STXBP5L: variants seen among roughly 807,000 people sequenced by gnomAD.
The protein encoded by STXBP5L is syntaxin-binding protein 5-like.
A neutral mutation model predicts 144.5 loss-of-function variants in STXBP5L; 65 were observed. The observed-to-expected ratio is 0.45, with a 90% CI of 0.37 to 0.55. The LOEUF is 0.55. Ranked by LOEUF, STXBP5L falls within the 20% of genes least tolerant of loss-of-function variation. The pLI is 0.00. For missense variants in STXBP5L, 1,298 were observed against 1,405.5 expected, an observed-to-expected ratio of 0.92 and a Z score of 1.22; for synonymous variants, 505 against 469.6, an observed-to-expected ratio of 1.08 and a Z score of -0.97.
intron 3 of STXBP5L, among the ~76,000 whole-genome samples, chr3:121,006,414 C>T (rs567428476): frequency 1.3e-5 from 2 of 152,220 alleles, no homozygotes; most frequent in East Asian, 1.9e-4. Context: ...GGTAGATCTT[C>T]CTCCATCCCT....
chr3:121,058,673 T>G (rs1386437203), intron 5 of STXBP5L, among the ~76,000 whole-genome samples: 1 of 152,230 alleles, frequency 6.6e-6, no homozygotes, highest in East Asian at 1.9e-4. Flanking sequence ...CCATTCTAAC[T>G]GGCGTGAGAT....
At chr3:121,310,481 A>G (rs1297516947) in intron 19 of STXBP5L, among the ~76,000 whole-genome samples, 3 of 152,152 alleles carry the variant, frequency 2.0e-5, no homozygotes, top group Non-Finnish European at 4.4e-5. Context: ...ATGGTGGCGG[A>G]CACCTGTAGT....
rs150797963 is a variant in STXBP5L, at chr3:121,418,377, G to T, written c.3267G>T (p.Ala1089=). 1.2e-6 allele frequency: 2 copies of T among 1,613,858 alleles called. No individual in the cohort carries two copies. Among genetic ancestry groups the T allele is most frequent in the South Asian group, 1.1e-5 (1 of 91,090 alleles). ...ASAGKASRSL[A]QHIPGPGSIE... ...CAGGAAAAGCATCCCGCAGCCTTGC[G>T]CAACACATTCCTGGACCAGGTAGTA... is the stretch of plus-strand genomic sequence containing the variant. The change falls in exon 26 of 27, where the codon GCG becomes GCT. Residue 1089 remains alanine (A), a synonymous_variant. Transcript: ENST00000471454.
chr3:121,263,614 G>C (rs1412553540), intron 18 of STXBP5L, among the ~76,000 whole-genome samples: 1 of 152,078 alleles, frequency 6.6e-6, no homozygotes, highest in African/African-American at 2.4e-5. Flanking sequence ...AACCAGTTTA[G>C]AGAAGAAGAT....
At chr3:121,154,465 C>T (rs1182367266) in intron 8 of STXBP5L, among the ~76,000 whole-genome samples, 1 of 151,728 alleles carries the variant, frequency 6.6e-6, no homozygotes, top group Non-Finnish European at 1.5e-5. Context: ...GTTTCTCCTC[C>T]TTAAAATAAT....
At chr3:121,089,895 T>C (rs1310650500) in intron 5 of STXBP5L, among the ~76,000 whole-genome samples, 2 of 152,122 alleles carry the variant, frequency 1.3e-5, no homozygotes, top group Non-Finnish European at 2.9e-5. Context: ...TTCTTCATTA[T>C]ATTTTAAGTA....
chr3:120,992,253 T>C (rs1942970928), intron 3 of STXBP5L, among the ~76,000 whole-genome samples: 1 of 152,166 alleles, frequency 6.6e-6, no homozygotes, highest in African/African-American at 2.4e-5. Context: ...ACTCAGAATG[T>C]TTAGCATATC....
chr3:121,360,644 T>C (rs528000144), intron 20 of STXBP5L, among the ~76,000 whole-genome samples: 60 of 152,234 alleles, frequency 3.9e-4, no homozygotes, highest in African/African-American at 1.2e-3. Flanking sequence ...ACAACACTAT[T>C]TGCATAAACC....
intron 2 of STXBP5L, among the ~76,000 whole-genome samples, chr3:120,915,538 A>G (rs536556214): frequency 4.5e-4 from 69 of 152,272 alleles, no homozygotes; most frequent in Non-Finnish European, 9.4e-4. Flanking sequence ...TTAAGTATCA[A>G]AATGATGATC....
rs902550976 is a variant in STXBP5L, at chr3:121,420,883, A to G, written c.*1786A>G. ...AATGTTCTCAGTAATTTTGAGGAGA[A>G]CAAAGATGAGTGAAAGAGTTAGATA... On this transcript the variant is annotated 3_prime_UTR_variant, in exon 27 of 27. Coordinates refer to ENST00000471454, the MANE Select transcript of STXBP5L (RefSeq NM_001308330.2). 1 of 152,112 alleles carries G rather than the reference A, an allele frequency of 6.6e-6. No individual in the cohort carries two copies. 9.4% of individuals were successfully genotyped at this position (152,112 alleles called of 1,614,324 possible). A position where few individuals can be genotyped will look rare whatever the true frequency, so the allele number is the denominator to read the frequency against.
rs141635892 is a variant in STXBP5L, at chr3:120,982,870, G to A, written c.287+27833G>A. Among the ~76,000 whole-genome samples, 423 of 152,262 alleles carry A rather than the reference G, an allele frequency of 2.8e-3. 5 individuals are homozygous for A. Among genetic ancestry groups the A allele is most frequent in the African/African-American group, 9.8e-3 (406 of 41,550 alleles). On this transcript the variant is annotated intron_variant, in intron 3 of 26. Transcript: ENST00000471454. ...CCCTTGGATGGTATGCATGAGTCCT[G>A]GTTGGACTGGACTGCTGGATTTGTC...
At chr3:121,168,000 C>T (rs576117096) in intron 9 of STXBP5L, among the ~76,000 whole-genome samples, 3 of 152,242 alleles carry the variant, frequency 2.0e-5, no homozygotes, top group South Asian at 4.1e-4. Flanking sequence ...CAGCAATCTT[C>T]GCTGTTCTGC....
At chr3:121,336,642 C>G (rs1307519123) in intron 20 of STXBP5L, among the ~76,000 whole-genome samples, 1 of 152,014 alleles carries the variant, frequency 6.6e-6, no homozygotes, top group Non-Finnish European at 1.5e-5. Flanking sequence ...AAAGGGAATG[C>G]TTATACACTG....
At chr3:120,917,427 A>G (rs1402278386) in intron 2 of STXBP5L, among the ~76,000 whole-genome samples, 1 of 152,182 alleles carries the variant, frequency 6.6e-6, no homozygotes, top group African/African-American at 2.4e-5. Flanking sequence ...AGGTTTTAAT[A>G]TCATTTTGGT....
At chr3:121,042,507 C>T (rs1947229966) in intron 4 of STXBP5L, among the ~76,000 whole-genome samples, 1 of 151,996 alleles carries the variant, frequency 6.6e-6, no homozygotes, top group African/African-American at 2.4e-5. Flanking sequence ...TTGTGCCATG[C>T]CAAATGCAGG....
chr3:121,057,711 T>C (rs190002338), intron 5 of STXBP5L, among the ~76,000 whole-genome samples: 151 of 152,224 alleles, frequency 9.9e-4, no homozygotes, highest in Non-Finnish European at 1.3e-3. Flanking sequence ...GCAATTTGAT[T>C]AACCATTCTA....
intron 9 of STXBP5L, among the ~76,000 whole-genome samples, chr3:121,178,841 G>T (rs955925692): frequency 6.6e-6 from 1 of 152,052 alleles, no homozygotes; most frequent in Non-Finnish European, 1.5e-5. Flanking sequence ...AAGGCAGCCA[G>T]CAGAATTAGG....
At chr3:121,098,993 T>G (rs954940984) in intron 5 of STXBP5L, 1 of 152,152 alleles carries the variant, frequency 6.6e-6, no homozygotes, top group Non-Finnish European at 1.5e-5. Context: ...TAACCCTGTA[T>G]ATATAGAGAG....
chr3:121,072,594 CT>C (rs2041853709), intron 5 of STXBP5L, among the ~76,000 whole-genome samples: 1 of 152,198 alleles, frequency 6.6e-6, no homozygotes, highest in African/African-American at 2.4e-5. Context: ...CAAACGAAGC[CT>C]TTTCATTAGA....
Sources: gnomAD v4.1 joint callset for allele counts (sites outside exome capture counted in the v4.1 genomes callset) on GRCh38, gnomAD v4.1.1 for gene constraint, MANE v1.5 for transcripts, NCBI Gene and HGNC (gene_info 2026-07-23, HGNC 2026-07-21) for gene names.